Variants in CPA6 observed in about 807,000 individuals in gnomAD.
The protein encoded by CPA6 is carboxypeptidase B.
Under a neutral mutation model 63.3 loss-of-function variants are expected in CPA6, and 58 were observed. That is an observed-to-expected ratio of 0.92 (90% CI 0.74 to 1.14). CPA6 has a LOEUF of 1.14. Among genes scored for constraint, CPA6 ranks in the 50% most tolerant of loss-of-function variants. The pLI, the probability that CPA6 is intolerant of heterozygous loss-of-function variation, is 0.00. For synonymous variants in CPA6, 185 were observed against 179.0 expected, an observed-to-expected ratio of 1.03 and a Z score of -0.27; for missense variants, 565 against 526.6, an observed-to-expected ratio of 1.07 and a Z score of -0.71.
At chr8:67,649,298 A>T (rs114927013) in intron 1 of CPA6, among the ~76,000 whole-genome samples, 2,723 of 152,334 alleles carry the variant, frequency 0.018, 87 homozygotes, top group African/African-American at 0.06. Flanking sequence ...AATTAGGCAT[A>T]TCCAAATTAT....
intron 1 of CPA6, among the ~76,000 whole-genome samples, chr8:67,631,106 C>T (rs1815318024): frequency 6.6e-6 from 1 of 152,244 alleles, no homozygotes; most frequent in East Asian, 1.9e-4. Flanking sequence ...AGTGCGGCTG[C>T]ATGGTGCAGA....
intron 7 of CPA6, 118 bp from the exon 8 acceptor site, chr8:67,483,976 T>C: frequency 2.4e-6 from 2 of 829,040 alleles, no homozygotes; most frequent in Non-Finnish European, 4.0e-6. Context: ...CTCCTGTGAA[T>C]AGACAAGCCC....
intron 3 of CPA6, among the ~76,000 whole-genome samples, chr8:67,517,634 C>T (rs1000822700): frequency 6.6e-6 from 1 of 152,208 alleles, no homozygotes; most frequent in East Asian, 1.9e-4. Context: ...CTCATCCACC[C>T]TCTAGGCCTT....
intron 1 of CPA6, among the ~76,000 whole-genome samples, chr8:67,682,799 G>A (rs1816624238): frequency 6.6e-6 from 1 of 152,194 alleles, no homozygotes; most frequent in African/African-American, 2.4e-5. Context: ...TGTGAATTAT[G>A]AGGATTTTCT....
chr8:67,572,117 G>A (rs1813500271), intron 2 of CPA6, among the ~76,000 whole-genome samples: 1 of 152,172 alleles, frequency 6.6e-6, no homozygotes, highest in Non-Finnish European at 1.5e-5. Flanking sequence ...AACCTGCTAA[G>A]ACTGAATCAC....
chr8:67,504,491 C>A (rs1284725770), intron 6 of CPA6, among the ~76,000 whole-genome samples: 2 of 152,184 alleles, frequency 1.3e-5, no homozygotes, highest in Non-Finnish European at 2.9e-5. Context: ...CTCTTGCTTT[C>A]TCTCTCACCT....
chr8:67,585,682 G>A (rs995967752), intron 2 of CPA6, among the ~76,000 whole-genome samples: 7 of 152,090 alleles, frequency 4.6e-5, no homozygotes, highest in Admixed American at 3.3e-4. Context: ...TGTTTTTCTC[G>A]TGTAAAGGAA....
chr8:67,422,373 TG>T lies in CPA6; in HGVS notation c.*130del. 1 of 656,266 alleles carries T rather than the reference TG, an allele frequency of 1.5e-6. No individual in the cohort carries two copies. The highest frequency in any genetic ancestry group is 2.5e-6 in the Non-Finnish European group (1 of 401,076). 40.7% of individuals were successfully genotyped at this position (656,266 alleles called of 1,614,324 possible). On this transcript the variant is annotated 3_prime_UTR_variant, in exon 11 of 11. Transcript: ENST00000297770. ...TCTATTGCCACAAAGTCAAATTGCG[TG>T]GGGTCTTTTTAAAGTCCATAGACAT...
At chr8:67,684,089 G>A (rs1388982290) in intron 1 of CPA6, among the ~76,000 whole-genome samples, 1 of 141,016 alleles carries the variant, frequency 7.1e-6, no homozygotes, top group South Asian at 2.3e-4. Context: ...GTTTTGCTAT[G>A]TTGCCCAGGC....
chr8:67,673,501 A>G lies in CPA6; in HGVS notation c.117-49250T>C, dbSNP rs549295506. Among the ~76,000 whole-genome samples, 1,025 of 150,178 alleles carry G rather than the reference A, an allele frequency of 6.8e-3. 7 individuals carry two copies. The highest frequency in any genetic ancestry group is 0.024 in the African/African-American group (967 of 41,018). On this transcript the variant is annotated intron_variant, in intron 1 of 10. Transcript: ENST00000297770. ...CGGGTTCATGCCGTTCTCCTGCCTC[A>G]GCCTCCTGAGTAGCTGGGACTACAG...
At chr8:67,609,315 C>T (rs181865493) in intron 2 of CPA6, among the ~76,000 whole-genome samples, 1 of 152,216 alleles carries the variant, frequency 6.6e-6, no homozygotes, top group East Asian at 1.9e-4. Flanking sequence ...GAACATTATT[C>T]AAGGATTTGA....
At chr8:67,673,383 TATTTA>T (rs1164514042) in intron 1 of CPA6, among the ~76,000 whole-genome samples, 149 of 106,008 alleles carry the variant, frequency 1.4e-3, no homozygotes, top group African/African-American at 8.4e-3. Context: ...TATTATTATT[TATTTA>T]TTTTTTTTTT....
At chr8:67,521,119 C>T (rs1400084281) in intron 2 of CPA6, among the ~76,000 whole-genome samples, 1 of 152,216 alleles carries the variant, frequency 6.6e-6, no homozygotes, top group Non-Finnish European at 1.5e-5. Flanking sequence ...CAGGATGGTC[C>T]AAGGCTGTTT....
At chr8:67,556,292 G>A (rs750352120) in intron 2 of CPA6, among the ~76,000 whole-genome samples, 1 of 152,072 alleles carries the variant, frequency 6.6e-6, no homozygotes, top group Non-Finnish European at 1.5e-5. Flanking sequence ...AGTCCCTACA[G>A]ATCCTCTGGG....
chr8:67,590,753 T>G (rs13274355), intron 2 of CPA6, among the ~76,000 whole-genome samples: 57,327 of 150,404 alleles, frequency 0.38, 11,608 homozygotes, highest in East Asian at 0.51. Flanking sequence ...TCTTGTAAAT[T>G]TGTTTGAGTT....
intron 2 of CPA6, among the ~76,000 whole-genome samples, chr8:67,589,490 T>C (rs759034560): frequency 3.9e-5 from 6 of 152,228 alleles, no homozygotes; most frequent in African/African-American, 1.4e-4. Flanking sequence ...GCTGACTAGA[T>C]GATCAGGGTT....
Position 67,433,950 on chromosome 8 carries a change from T to C in CPA6, c.1041+88A>G, listed in dbSNP as rs1052811303. 6 of 846,316 alleles carry C rather than the reference T, an allele frequency of 7.1e-6. No homozygotes were observed. The African/African-American group carries it at 1.0e-4, about 14-fold the overall frequency. 52.4% of individuals were successfully genotyped at this position (846,316 alleles called of 1,614,324 possible). On this transcript the variant is annotated intron_variant, in intron 9 of 10. Coordinates refer to ENST00000297770, the MANE Select transcript of CPA6 (RefSeq NM_020361.5). Reference sequence around the variant, plus strand: ...TTATTAGGATAAACACAAACATGTGTTTGCCATTATCATTAGTACTTAGAA... The same window carrying C: ...TTATTAGGATAAACACAAACATGTGCTTGCCATTATCATTAGTACTTAGAA...
At chr8:67,695,739 C>A (rs1268148645) in intron 1 of CPA6, among the ~76,000 whole-genome samples, 1 of 152,164 alleles carries the variant, frequency 6.6e-6, no homozygotes, top group African/African-American at 2.4e-5. Flanking sequence ...TAATACCTAG[C>A]AAGTTTCTCC....
At chr8:67,710,018 A>C (rs893630585) in intron 1 of CPA6, among the ~76,000 whole-genome samples, 1 of 152,000 alleles carries the variant, frequency 6.6e-6, no homozygotes, top group Admixed American at 6.6e-5. Flanking sequence ...GAGGCTGAGG[A>C]AGAAGAATCG....
Sources: allele counts gnomAD v4.1 joint callset (sites outside exome capture counted in the v4.1 genomes callset), GRCh38; gene constraint gnomAD v4.1.1; transcripts MANE v1.5; gene names NCBI Gene and HGNC (gene_info 2026-07-23, HGNC 2026-07-21).